Variants in ZNF536 observed in about 807,000 individuals in gnomAD.
ZNF536 encodes zinc finger protein 536.
A neutral mutation model predicts 84.5 loss-of-function variants in ZNF536; 13 were observed. That is an observed-to-expected ratio of 0.15 (90% CI 0.10 to 0.24). The LOEUF is 0.24. Ranked by LOEUF, ZNF536 falls within the 10% of genes least tolerant of loss-of-function variation. The pLI, the probability that ZNF536 is intolerant of heterozygous loss-of-function variation, is 1.00. For synonymous variants in ZNF536, 811 were observed against 742.5 expected (o/e 1.09, Z -1.50); for missense variants, 1,536 against 1,747.5 (o/e 0.88, Z 2.16).
intron 2 of ZNF536, among the ~76,000 whole-genome samples, chr19:30,486,021 A>G (rs1448214038): frequency 6.6e-6 from 1 of 152,114 alleles, no homozygotes; most frequent in Non-Finnish European, 1.5e-5. Flanking sequence ...TGGCGTCACT[A>G]TTATCCATCA....
chr19:30,379,621 T>C (rs531057302), intron 1 of ZNF536, among the ~76,000 whole-genome samples: 1 of 148,388 alleles, frequency 6.7e-6, no homozygotes, highest in East Asian at 2.0e-4. Flanking sequence ...GGCTTGAGGG[T>C]AGACAAGCAG....
At chr19:30,522,251 G>GGA (rs2044347721) in intron 2 of ZNF536, among the ~76,000 whole-genome samples, 1 of 710 alleles carries the variant, frequency 1.4e-3, no homozygotes, top group Non-Finnish European at 4.1e-3. Flanking sequence ...TGGCAGAGCT[G>GGA]GATATATATA....
At chr19:30,358,762 G>T (rs1325455835) in intron 3 of ZNF536, among the ~76,000 whole-genome samples, 1 of 152,206 alleles carries the variant, frequency 6.6e-6, no homozygotes, top group African/African-American at 2.4e-5. Context: ...GATTTCGGAT[G>T]CCCTTCAGGG....
intron 2 of ZNF536, among the ~76,000 whole-genome samples, chr19:30,329,108 G>A (rs533623494): frequency 1.1e-4 from 17 of 152,290 alleles, no homozygotes; most frequent in African/African-American, 3.9e-4. Flanking sequence ...TCTAAGAGAG[G>A]CCTCTTAGCC....
chr19:30,531,269 A>G (rs904564949), intron 2 of ZNF536, among the ~76,000 whole-genome samples: 2 of 152,252 alleles, frequency 1.3e-5, no homozygotes, highest in Admixed American at 6.5e-5. Flanking sequence ...ACAGGCCATC[A>G]CTTAGAGTGA....
intron 1 of ZNF536, among the ~76,000 whole-genome samples, chr19:30,640,349 C>T (rs1023608353): frequency 2.0e-5 from 3 of 152,132 alleles, no homozygotes; most frequent in Non-Finnish European, 4.4e-5. Flanking sequence ...TGATTTGTTA[C>T]AGGCTCTTTT....
At chr19:30,678,886 G>A (rs942514399) in intron 1 of ZNF536, among the ~76,000 whole-genome samples, 2 of 152,112 alleles carry the variant, frequency 1.3e-5, no homozygotes, top group African/African-American at 2.4e-5. Context: ...AGACTGCCTT[G>A]AGCCAAGATA....
intron 1 of ZNF536, among the ~76,000 whole-genome samples, chr19:30,635,176 C>A (rs1019576320): frequency 6.6e-6 from 1 of 152,124 alleles, no homozygotes; most frequent in Admixed American, 6.5e-5. Flanking sequence ...GTTTGCCAAA[C>A]GTTCAGGCAC....
At chr19:30,305,181 C>T (rs1168537962) in intron 2 of ZNF536, among the ~76,000 whole-genome samples, 3 of 152,226 alleles carry the variant, frequency 2.0e-5, no homozygotes, top group South Asian at 2.1e-4. Context: ...TGTGAGTTCC[C>T]CACTGTAGTT....
intron 1 of ZNF536, among the ~76,000 whole-genome samples, chr19:30,700,347 C>CT (rs2051886311): frequency 6.7e-6 from 1 of 149,146 alleles, no homozygotes; most frequent in Non-Finnish European, 1.5e-5. Flanking sequence ...CTCCCTCCCC[C>CT]CTCCTTCCTT....
At chr19:30,487,530 C>T (rs868263367) in intron 2 of ZNF536, among the ~76,000 whole-genome samples, 1 of 150,614 alleles carries the variant, frequency 6.6e-6, no homozygotes. Context: ...CTCTCTCTTT[C>T]TCTCTCTCTC....
intron 2 of ZNF536, among the ~76,000 whole-genome samples, chr19:30,301,757 A>G (rs751668427): frequency 5.9e-5 from 9 of 152,098 alleles, no homozygotes; most frequent in Non-Finnish European, 1.0e-4. Context: ...ATTTGGATTG[A>G]CAACTATTAA....
At chr19:30,592,987 A>G (rs1014171930) in intron 1 of ZNF536, among the ~76,000 whole-genome samples, 1 of 152,222 alleles carries the variant, frequency 6.6e-6, no homozygotes, top group African/African-American at 2.4e-5. Flanking sequence ...CAAGTCCAGC[A>G]TCTTCTCCCA....
chr19:30,633,872 C>T (rs2048974448), intron 1 of ZNF536, among the ~76,000 whole-genome samples: 2 of 151,974 alleles, frequency 1.3e-5, no homozygotes, highest in South Asian at 2.1e-4. Flanking sequence ...TTACACCTGG[C>T]CAATATTAGA....
intron 3 of ZNF536, among the ~76,000 whole-genome samples, chr19:30,547,136 T>G (rs901446384): frequency 6.6e-6 from 1 of 152,254 alleles, no homozygotes; most frequent in Non-Finnish European, 1.5e-5. Flanking sequence ...AGTACAAATT[T>G]AAGGCACTAC....
At chr19:30,270,620 G>T (rs2025775737) in intron 1 of ZNF536, among the ~76,000 whole-genome samples, 1 of 152,224 alleles carries the variant, frequency 6.6e-6, no homozygotes, top group African/African-American at 2.4e-5. Flanking sequence ...GCGTCTTTTA[G>T]AGTGATGGAA....
At chr19:30,485,478 CTT>C (rs1356678362) in intron 2 of ZNF536, among the ~76,000 whole-genome samples, 1 of 152,204 alleles carries the variant, frequency 6.6e-6, no homozygotes, top group Non-Finnish European at 1.5e-5. Context: ...CCGCACATCT[CTT>C]TCCTGTCACT....
Position 30,445,846 on chromosome 19 carries a change from G to A in ZNF536, c.2170+114G>A. On this transcript the variant is annotated intron_variant, in intron 2 of 4. Coordinates refer to ENST00000355537, the MANE Select transcript of ZNF536 (RefSeq NM_014717.3). The surrounding 1 kb of genome is among the most constrained non-coding windows in gnomAD (Gnocchi z 4.5). The stretch of plus-strand genomic sequence containing the variant: ...CCAAGGCCAGTGGGTCTTGATTGAG[G>A]ACAGGGGTGGGTTGGACACTGGGCC... 1 of 1,402,898 alleles carries A rather than the reference G, an allele frequency of 7.1e-7. No individual in the cohort carries two copies. The highest frequency in any genetic ancestry group is 1.5e-5 in the South Asian group (1 of 67,146). 86.9% of individuals were successfully genotyped at this position (1,402,898 alleles called of 1,614,324 possible).
chr19:30,487,545 C>T (rs1238003768), intron 2 of ZNF536, among the ~76,000 whole-genome samples: 1 of 152,168 alleles, frequency 6.6e-6, no homozygotes, highest in African/African-American at 2.4e-5. Context: ...TCTCTCCCTC[C>T]ATTCCTCCCT....
Sources: allele counts gnomAD v4.1 joint callset (sites outside exome capture counted in the v4.1 genomes callset), GRCh38; gene constraint gnomAD v4.1.1; non-coding constraint Gnocchi (gnomAD v3.1); transcripts MANE v1.5; gene names NCBI Gene and HGNC (gene_info 2026-07-23, HGNC 2026-07-21).